Variants in DPP4 observed in about 807,000 individuals in gnomAD.
DPP4 encodes the protein dipeptidyl peptidase 4.
In DPP4, 93 loss-of-function variants were observed where a neutral mutation model predicts 122.4. The observed-to-expected ratio is 0.76, with a 90% CI of 0.64 to 0.90. DPP4 has a LOEUF of 0.90. DPP4 is among the 40% of genes least tolerant of loss of function. The probability of loss-of-function intolerance (pLI) is 0.00; values close to 1 mark genes in which losing one functional copy is unlikely to be tolerated. For synonymous variants in DPP4, 321 were observed against 302.9 expected (o/e 1.06, Z -0.62); for missense variants, 914 against 907.3 (o/e 1.01, Z -0.09).
At chr2:162,053,503 T>C (rs894758507) in intron 2 of DPP4, among the ~76,000 whole-genome samples, 11 of 152,090 alleles carry the variant, frequency 7.2e-5, no homozygotes, top group African/African-American at 1.7e-4. Context: ...TTCAAAGCCG[T>C]CCAGCCACAT....
chr2:162,050,709 G>T (rs1200886250), intron 2 of DPP4, among the ~76,000 whole-genome samples: 1 of 152,240 alleles, frequency 6.6e-6, no homozygotes, highest in Non-Finnish European at 1.5e-5. Context: ...GATAAGCAGG[G>T]CACATTGGAA....
At chr2:162,056,665 T>A (rs1207149119) in intron 2 of DPP4, among the ~76,000 whole-genome samples, 1 of 152,124 alleles carries the variant, frequency 6.6e-6, no homozygotes, top group African/African-American at 2.4e-5. Context: ...ATGGTAATAG[T>A]CCCTCCCAAA....
rs763038095 is a variant in DPP4, at chr2:162,073,423, G to A, written c.70C>T (p.Pro24Ser). ...AAALVTIITV[P>S]VVLLNKGTDD... is the part of the protein sequence containing the mutation. The stretch of plus-strand genomic sequence containing the variant: ...CTGCCTTTGTTCAGCAGAACCACGG[G>A]CACGGTGATGATGGTGACAAGCGCA... The change falls in exon 2 of 26, where the codon CCC (proline) becomes TCC (serine). Residue 24 changes from proline (P) to serine (S), a missense_variant. Pro to Ser is a moderately conservative substitution (Grantham distance 74). Coordinates refer to ENST00000360534, the MANE Select transcript of DPP4 (RefSeq NM_001935.4). The A allele has an allele frequency of 1.6e-5, 26 of 1,613,956 alleles. No homozygotes were observed. The South Asian group carries it at 2.9e-4, about 18-fold the overall frequency.
chr2:162,040,190 C>G (rs1683937266), intron 5 of DPP4, among the ~76,000 whole-genome samples: 1 of 151,984 alleles, frequency 6.6e-6, no homozygotes, highest in Non-Finnish European at 1.5e-5. Context: ...AATAACTTTA[C>G]CAGCAAACTT....
Position 162,047,478 on chromosome 2 carries a change from G to A in DPP4, c.118C>T (p.Arg40Cys), listed in dbSNP as rs200202090. The A allele has an allele frequency of 1.5e-5, 24 of 1,576,980 alleles. No homozygotes were observed. The highest frequency in any genetic ancestry group is 2.3e-5 in the East Asian group (1 of 44,376). ...KGTDDATADS[R>C]KTYTLTDYLK... ...TAATCAGTTAGAGTGTAAGTTTTGCGACTGTCAGCTGTAGCATCATCTGCT... is the reference window on the plus strand; with the variant it reads ...TAATCAGTTAGAGTGTAAGTTTTGCAACTGTCAGCTGTAGCATCATCTGCT... The change falls in exon 3 of 26, where the codon CGC becomes TGC. Residue 40 changes from arginine (R) to cysteine (C), a missense_variant. Coordinates refer to ENST00000360534, the MANE Select transcript of DPP4 (RefSeq NM_001935.4).
chr2:161,992,929 G>GAAC lies in DPP4; in HGVS notation c.*351_*353dup, dbSNP rs1700899590. 1 of 229,644 alleles carries GAAC rather than the reference G, an allele frequency of 4.4e-6. No homozygotes were observed. The highest frequency in any genetic ancestry group is 6.6e-5 in the South Asian group (1 of 15,206). The allele number at this position is 229,644 out of a possible 1,614,324, so 14.2% of individuals were successfully genotyped here. A position where few individuals can be genotyped will look rare whatever the true frequency, so the allele number is the denominator to read the frequency against. Reference sequence around the variant, plus strand: ...CATCTTGCCATCCCTTTAAAGAAGAGAACAACATTTGAACCAGTCCAGTTA... The same window carrying GAAC: ...CATCTTGCCATCCCTTTAAAGAAGAGAACAACAACATTTGAACCAGTCCAGTTA... On this transcript the variant is annotated 3_prime_UTR_variant, in exon 26 of 26. Transcript: ENST00000360534.
intron 18 of DPP4, among the ~76,000 whole-genome samples, chr2:162,016,041 C>T (rs1326015762): frequency 2.6e-5 from 4 of 152,090 alleles, no homozygotes; most frequent in African/African-American, 9.7e-5. Context: ...CTGTTTTTCA[C>T]GAGGATGCTA....
chr2:162,032,089 T>C (rs1355904013), intron 10 of DPP4: 1 of 152,092 alleles, frequency 6.6e-6, no homozygotes, highest in African/African-American at 2.4e-5. Context: ...CCAGAGAAAA[T>C]GGATGCTTCC....
At position 162,041,741 on chromosome 2, in the gene DPP4, C is replaced by T. The variant is rs1683994773; in HGVS notation, c.367-2557G>A. Among the ~76,000 whole-genome samples the T allele has an allele frequency of 2.0e-5, 3 of 152,210 alleles. No homozygotes were observed. In the South Asian group the frequency reaches 6.2e-4, roughly 32 times the overall value. ...AACCACCATGGGTTGTAAAAGAAAA[C>T]CCATGATGTTTGGTATGTTCACTTC... On this transcript the variant is annotated intron_variant, in intron 5 of 25. Transcript: ENST00000360534.
At chr2:162,037,699 C>A (rs1170063626) in intron 8 of DPP4, among the ~76,000 whole-genome samples, 2 of 152,004 alleles carry the variant, frequency 1.3e-5, no homozygotes, top group African/African-American at 4.8e-5. Flanking sequence ...AAAATGTGTT[C>A]CTAATAGTTT....
chr2:161,995,327 A>G lies in DPP4; in HGVS notation c.2098T>C (p.Tyr700His). The G allele has an allele frequency of 6.2e-7, 1 of 1,614,000 alleles. No individual in the cohort carries two copies. Among genetic ancestry groups the G allele is most frequent in the East Asian group, 2.2e-5 (1 of 44,882 alleles). Residue 700 changes from tyrosine to histidine, a missense_variant, in exon 24 of 26, where the codon TAC becomes CAC. Tyr to His is a moderately conservative substitution (Grantham distance 83). Coordinates refer to ENST00000360534, the MANE Select transcript of DPP4 (RefSeq NM_001935.4). ...SRAENFKQVEYLLIHGTADDN... is the reference protein window; with the variant it reads ...SRAENFKQVEHLLIHGTADDN... ...TCTGCTGTTCCATGAATAAGGAGGT[A>G]CTCAACTTGTTTAAAATTTTCAGCT... is the stretch of plus-strand genomic sequence containing the variant.
chr2:162,042,105 T>A (rs1040104830), intron 5 of DPP4, among the ~76,000 whole-genome samples: 1 of 152,166 alleles, frequency 6.6e-6, no homozygotes, highest in Non-Finnish European at 1.5e-5. Context: ...ATAGGAAAGA[T>A]CACATTTAAG....
In DPP4 at chr2:162,038,156, C is replaced by T. The variant is rs181409479; in HGVS notation, c.613+146G>A. On this transcript the variant is annotated intron_variant, in intron 8 of 25. Transcript: ENST00000360534. ...TTCTTGGTCAAGGAGACATCTGGTGCTGTGAGTTCTAAGAGAAATCTGATG... is the reference window on the plus strand; with the variant it reads ...TTCTTGGTCAAGGAGACATCTGGTGTTGTGAGTTCTAAGAGAAATCTGATG... 29 of 724,890 alleles carry T rather than the reference C, an allele frequency of 4.0e-5. No homozygotes were observed. In the African/African-American group the frequency reaches 4.6e-4, roughly 12 times the overall value. The allele number at this position is 724,890 out of a possible 1,614,324, so 44.9% of individuals were successfully genotyped here.
rs1177698358 is a variant in DPP4 at position 162,074,083 on chromosome 2, G to C, written c.-102C>G. 4.6e-6 allele frequency: 7 copies of C among 1,506,508 alleles called. No homozygotes were observed. Among genetic ancestry groups the C allele is most frequent in the African/African-American group, 1.4e-5 (1 of 71,576 alleles). 93.3% of individuals were successfully genotyped at this position (1,506,508 alleles called of 1,614,324 possible). A position where few individuals can be genotyped will look rare whatever the true frequency, so the allele number is the denominator to read the frequency against. On this transcript the variant is annotated 5_prime_UTR_variant, in exon 1 of 26. Transcript: ENST00000360534. ...TCCTGCACCGCTGCTCCGGGCGGTG[G>C]AGTCACTCGCCGCTGGCAAGTTTCG...
At chr2:162,054,641 T>G (rs913898216) in intron 2 of DPP4, among the ~76,000 whole-genome samples, 1 of 152,138 alleles carries the variant, frequency 6.6e-6, no homozygotes, top group Non-Finnish European at 1.5e-5. Flanking sequence ...AGTCTAAGCC[T>G]TTTTGTCTTT....
chr2:162,035,078 A>G lies in DPP4; in HGVS notation c.774+86T>C. On this transcript the variant is annotated intron_variant, in intron 9 of 25. Transcript: ENST00000360534. The stretch of plus-strand genomic sequence containing the variant: ...AGCAAGCTGTTGAAGAGAGACTGAC[A>G]ATATTTTCATTAGCAAGAAGGGATT... 4 of 1,360,072 alleles carry G rather than the reference A, an allele frequency of 2.9e-6. No individual in the cohort carries two copies. The South Asian group carries it at 4.7e-5, about 16-fold the overall frequency. 84.3% of individuals were successfully genotyped at this position (1,360,072 alleles called of 1,614,324 possible).
chr2:162,018,781 G>C lies in DPP4; in HGVS notation c.1368C>G (p.Tyr456Ter). 6.2e-7 allele frequency: 1 copy of C among 1,614,132 alleles called. No homozygotes were observed. Residue 456 changes from tyrosine to a stop codon, truncating the protein, a stop_gained, in exon 16 of 26, where the codon TAC becomes TAG. Transcript: ENST00000360534. LOFTEE classifies it high-confidence loss of function. Reference protein sequence around the residue: ...SCELNPERCQYYSVSFSKEAK... With the variant: ...SCELNPERCQ ...CCTCTTTACTGAATGACACAGAATAGTACTGACACCTTTCCGGATTCAGCT... is the reference window on the plus strand; with the variant it reads ...CCTCTTTACTGAATGACACAGAATACTACTGACACCTTTCCGGATTCAGCT...
At chr2:162,020,027 A>G (rs1249658701) in intron 14 of DPP4, among the ~76,000 whole-genome samples, 1 of 152,230 alleles carries the variant, frequency 6.6e-6, no homozygotes, top group Non-Finnish European at 1.5e-5. Flanking sequence ...CAAGAGGTAG[A>G]GCTGCCTGGT....
In DPP4 at chr2:162,074,145, G is replaced by T; in HGVS notation, c.-164C>A. ...AACATTAGTGAGCGCCGAGCCCGCT[G>T]GGTATAAAGGCGCCGCGGGCAGGCT... On this transcript the variant is annotated 5_prime_UTR_variant, in exon 1 of 26. Coordinates refer to ENST00000360534, the MANE Select transcript of DPP4 (RefSeq NM_001935.4). 1 of 1,341,936 alleles carries T rather than the reference G, an allele frequency of 7.5e-7. No homozygotes were observed. The allele number at this position is 1,341,936 out of a possible 1,614,324, so 83.1% of individuals were successfully genotyped here.
Sources: allele counts gnomAD v4.1 joint callset (sites outside exome capture counted in the v4.1 genomes callset), GRCh38; gene constraint gnomAD v4.1.1; transcripts MANE v1.5; gene names NCBI Gene and HGNC (gene_info 2026-07-23, HGNC 2026-07-21).